The following GIGYF2 variants were observed in gnomAD, a reference collection of about 807,000 sequenced individuals.
GIGYF2 encodes GRB10-interacting GYF protein 2.
GIGYF2 carries 25 observed loss-of-function variants against 208.1 expected under a neutral mutation model. The ratio of observed to expected loss-of-function variants is 0.12; its 90% CI spans 0.09 to 0.17. The LOEUF is 0.17. Ranked by LOEUF, GIGYF2 falls within the 10% of genes least tolerant of loss-of-function variation. The probability of loss-of-function intolerance (pLI) is 1.00; values close to 1 mark genes in which losing one functional copy is unlikely to be tolerated. For missense variants in GIGYF2, 1,302 were observed against 1,579.4 expected (o/e 0.82, Z 2.98); for synonymous variants, 534 against 543.8 (o/e 0.98, Z 0.25).
intron 28 of GIGYF2, among the ~76,000 whole-genome samples, chr2:232,855,239 G>A (rs1471583646): frequency 3.3e-5 from 5 of 151,806 alleles, no homozygotes; most frequent in African/African-American, 7.3e-5. Context: ...GGCGTGCAGC[G>A]CCACGCCCAG....
At chr2:232,793,712 C>CT (rs936921118) in intron 12 of GIGYF2, among the ~76,000 whole-genome samples, 3 of 152,070 alleles carry the variant, frequency 2.0e-5, no homozygotes, top group Non-Finnish European at 1.5e-5. Flanking sequence ...AAGAAAAGAA[C>CT]TTTGAGTAAT....
intron 2 of GIGYF2, among the ~76,000 whole-genome samples, chr2:232,723,408 C>G (rs1421583220): frequency 6.6e-6 from 1 of 151,642 alleles, no homozygotes; most frequent in African/African-American, 2.4e-5. Context: ...CTTCTCTCTT[C>G]CACAGCTAAG....
intron 21 of GIGYF2, among the ~76,000 whole-genome samples, chr2:232,822,102 T>A (rs1701102288): frequency 6.6e-6 from 1 of 152,180 alleles, no homozygotes; most frequent in Non-Finnish European, 1.5e-5. Flanking sequence ...ACTGCTTGAC[T>A]AAGATCTTTT....
intron 5 of GIGYF2, among the ~76,000 whole-genome samples, chr2:232,749,863 A>G (rs1014468404): frequency 6.6e-6 from 1 of 152,118 alleles, no homozygotes; most frequent in Non-Finnish European, 1.5e-5. Flanking sequence ...ATTTTTCAAG[A>G]GGGTTTTAAA....
intron 28 of GIGYF2, among the ~76,000 whole-genome samples, chr2:232,851,804 A>C (rs774636479): frequency 6.6e-6 from 1 of 152,224 alleles, no homozygotes; most frequent in East Asian, 1.9e-4. Flanking sequence ...CAAGGATGGA[A>C]GTTCCGGTTG....
intron 22 of GIGYF2, among the ~76,000 whole-genome samples, chr2:232,837,234 A>G (rs1701667528): frequency 6.6e-6 from 1 of 152,192 alleles, no homozygotes; most frequent in Admixed American, 6.5e-5. Context: ...TGCTTTTCCC[A>G]GGAAGAAAGC....
chr2:232,833,246 C>G lies in GIGYF2; in HGVS notation c.2766+153C>G, dbSNP rs1181191245. On this transcript the variant is annotated intron_variant, in intron 22 of 28. Coordinates refer to ENST00000373563, the MANE Select transcript of GIGYF2 (RefSeq NM_001103146.3). Reference sequence around the variant, plus strand: ...TTTATTTATTTTTGAGACTGGGTCTCACTCCCATCACCCAGGCTGGAGTGC... The same window carrying G: ...TTTATTTATTTTTGAGACTGGGTCTGACTCCCATCACCCAGGCTGGAGTGC... The G allele has an allele frequency of 9.5e-6, 3 of 315,146 alleles. No individual in the cohort carries two copies. In the Admixed American group the frequency reaches 1.5e-4, roughly 15 times the overall value. 19.5% of individuals were successfully genotyped at this position (315,146 alleles called of 1,614,324 possible).
intron 8 of GIGYF2, chr2:232,771,397 T>C: frequency 6.8e-7 from 1 of 1,461,500 alleles, no homozygotes; most frequent in Non-Finnish European, 9.6e-7. Context: ...AAGAGTAAAT[T>C]AGTAAGCTCT....
chr2:232,784,503 C>T (rs1448445558), intron 8 of GIGYF2, among the ~76,000 whole-genome samples: 2 of 61,392 alleles, frequency 3.3e-5, no homozygotes, highest in Non-Finnish European at 5.9e-5. Flanking sequence ...CATTCTCCTG[C>T]CTCAGCCTCC....
chr2:232,858,176 G>A lies in GIGYF2; in HGVS notation c.*1316G>A, dbSNP rs1180197099. 1 of 268,226 alleles carries A rather than the reference G, an allele frequency of 3.7e-6. No individual in the cohort carries two copies. Among genetic ancestry groups the A allele is most frequent in the East Asian group, 1.1e-4 (1 of 8,852 alleles). The allele number at this position is 268,226 out of a possible 1,614,324, so 16.6% of individuals were successfully genotyped here. A position where few individuals can be genotyped will look rare whatever the true frequency, so the allele number is the denominator to read the frequency against. On this transcript the variant is annotated 3_prime_UTR_variant, in exon 29 of 29. Transcript: ENST00000373563. The stretch of plus-strand genomic sequence containing the variant: ...CACCTGGAATTGCCACTCACACTGG[G>A]TTGGAGTCATTGGGCAGCTGTGCCT...
At position 232,858,022 on chromosome 2, in the gene GIGYF2, T is replaced by C. The variant is rs899302415; in HGVS notation, c.*1162T>C. On this transcript the variant is annotated 3_prime_UTR_variant, in exon 29 of 29. Transcript: ENST00000373563. ...GTGGGCTGGAGGGGATGGGCGAAAA[T>C]GGGAGCAGGAAGCCTGGCCTGGCTT... 5 of 165,068 alleles carry C rather than the reference T, an allele frequency of 3.0e-5. No homozygotes were observed. Among genetic ancestry groups the C allele is most frequent in the African/African-American group, 1.2e-4 (5 of 41,460 alleles). The allele number at this position is 165,068 out of a possible 1,614,324, so 10.2% of individuals were successfully genotyped here. A position where few individuals can be genotyped will look rare whatever the true frequency, so the allele number is the denominator to read the frequency against.
Position 232,808,215 on chromosome 2 carries a change from T to G in GIGYF2, c.1807-1505T>G, listed in dbSNP as rs112034347. On this transcript the variant is annotated intron_variant, in intron 15 of 28. Transcript: ENST00000373563. ...AGTTGTTTTAAGTCACAAGAAAAATTATACTGTGTATTGCAGCATGTAAAT... is the reference window on the plus strand; with the variant it reads ...AGTTGTTTTAAGTCACAAGAAAAATGATACTGTGTATTGCAGCATGTAAAT... Among the ~76,000 whole-genome samples, 886 of 152,338 alleles carry G rather than the reference T, an allele frequency of 5.8e-3. 3 individuals carry two copies. The highest frequency in any genetic ancestry group is 0.02 in the African/African-American group (845 of 41,578).
chr2:232,777,031 C>T (rs1478861771), intron 8 of GIGYF2, among the ~76,000 whole-genome samples: 2 of 151,754 alleles, frequency 1.3e-5, no homozygotes, highest in African/African-American at 4.8e-5. Flanking sequence ...TCTCATGTCT[C>T]ATCAGAATGG....
At chr2:232,716,385 T>G (rs915205947) in intron 2 of GIGYF2, among the ~76,000 whole-genome samples, 3 of 145,014 alleles carry the variant, frequency 2.1e-5, no homozygotes, top group Non-Finnish European at 4.5e-5. Context: ...TTTTTTTTTT[T>G]TTTTTTTTTT....
intron 2 of GIGYF2, among the ~76,000 whole-genome samples, chr2:232,722,139 C>T (rs1350593517): frequency 6.6e-6 from 1 of 152,160 alleles, no homozygotes; most frequent in East Asian, 1.9e-4. Context: ...AGAAAGAAGC[C>T]CACAACCACC....
chr2:232,741,584 A>T (rs1429063274), intron 3 of GIGYF2, among the ~76,000 whole-genome samples: 1 of 151,982 alleles, frequency 6.6e-6, no homozygotes, highest in Non-Finnish European at 1.5e-5. Flanking sequence ...CTGGGACTAT[A>T]GGCATGCATC....
chr2:232,753,211 C>T (rs990892327), intron 5 of GIGYF2, among the ~76,000 whole-genome samples: 4 of 151,964 alleles, frequency 2.6e-5, no homozygotes, highest in Non-Finnish European at 4.4e-5. Flanking sequence ...GCAACCTCCG[C>T]TTCTCGGGTT....
chr2:232,719,362 C>G (rs1023706916), intron 2 of GIGYF2, among the ~76,000 whole-genome samples: 4 of 152,168 alleles, frequency 2.6e-5, no homozygotes, highest in Non-Finnish European at 5.9e-5. Flanking sequence ...ATGGGACTTA[C>G]TACGTAGATT....
intron 8 of GIGYF2, chr2:232,776,278 A>G (rs1574869772): frequency 1.0e-5 from 5 of 499,016 alleles, no homozygotes; most frequent in Non-Finnish European, 1.8e-5. Flanking sequence ...TTGCATTTTT[A>G]AGATTTAAGG....
Sources: gnomAD v4.1 joint callset for allele counts (sites outside exome capture counted in the v4.1 genomes callset) on GRCh38, gnomAD v4.1.1 for gene constraint, MANE v1.5 for transcripts, NCBI Gene and HGNC (gene_info 2026-07-23, HGNC 2026-07-21) for gene names.